AIM2: variants seen among roughly 807,000 people sequenced by gnomAD.
AIM2 encodes the protein interferon-inducible protein AIM2.
AIM2 carries 30 observed loss-of-function variants against 27.7 expected under a neutral mutation model. The observed-to-expected ratio is 1.08, with a 90% CI of 0.81 to 1.47. The LOEUF is 1.47. AIM2 is among the 40% of genes most tolerant of loss of function. AIM2 has a pLI of 0.00. For synonymous variants in AIM2, 141 were observed against 145.3 expected (o/e 0.97, Z 0.21); for missense variants, 358 against 411.3 (o/e 0.87, Z 1.12).
At chr1:159,098,791 T>TA (rs1487862802) in intron 1 of AIM2, among the ~76,000 whole-genome samples, 1 of 152,312 alleles carries the variant, frequency 6.6e-6, no homozygotes, top group East Asian at 1.9e-4. Context: ...GTGCTGGAGA[T>TA]ACAGGAAAGA....
intron 1 of AIM2, among the ~76,000 whole-genome samples, chr1:159,125,863 G>A (rs1218658292): frequency 6.6e-6 from 1 of 152,134 alleles, no homozygotes; most frequent in Non-Finnish European, 1.5e-5. Context: ...TTCAGGTAGA[G>A]TTACATCCAG....
intron 1 of AIM2, among the ~76,000 whole-genome samples, chr1:159,126,333 G>A (rs545704334): frequency 1.2e-4 from 19 of 152,212 alleles, no homozygotes; most frequent in African/African-American, 4.6e-4. Context: ...GGTATTATCA[G>A]TTATGAAAAT....
intron 1 of AIM2, among the ~76,000 whole-genome samples, chr1:159,107,190 A>G (rs995146448): frequency 1.3e-5 from 2 of 152,200 alleles, no homozygotes; most frequent in Non-Finnish European, 2.9e-5. Flanking sequence ...ATCTATTAAC[A>G]TCTTGTCTCT....
rs1656914742 is a variant in AIM2, at chr1:159,086,491, C to T, written c.-15-20162G>A. ...TAGGCTCCAGGTGAATCTGCACATA[C>T]CTCGCCCTCTACTTCTCCTCCCCCA... On this transcript the variant is annotated intron_variant, in intron 1 of 2. Coordinates refer to the AIM2 transcript ENST00000368129. 2.0e-5 allele frequency among the ~76,000 whole-genome samples: 3 copies of T among 152,222 alleles called. No homozygotes were observed. The South Asian group carries it at 6.2e-4, about 31-fold the overall frequency.
intron 1 of AIM2, among the ~76,000 whole-genome samples, chr1:159,084,627 G>T (rs1417831837): frequency 1.3e-5 from 2 of 152,054 alleles, no homozygotes; most frequent in African/African-American, 4.8e-5. Context: ...TTAAAAATTA[G>T]CAGGGCTTGG....
intron 1 of AIM2, among the ~76,000 whole-genome samples, chr1:159,094,108 A>T (rs1557902297): frequency 6.6e-6 from 1 of 152,194 alleles, no homozygotes; most frequent in Non-Finnish European, 1.5e-5. Flanking sequence ...AATGAAAAGC[A>T]GAGAGATAAT....
At chr1:159,073,627 C>A (rs1656470682) in intron 1 of AIM2, 108 bp from the exon 2 acceptor site, 6 of 1,161,348 alleles carry the variant, frequency 5.2e-6, no homozygotes. Context: ...AAAATATTTG[C>A]AGTAGTAAAA....
At chr1:159,142,946 A>G (rs1648140308), upstream of AIM2, among the ~76,000 whole-genome samples, 3 of 152,162 alleles carry the variant, frequency 2.0e-5, no homozygotes. Flanking sequence ...AGGTTACAAT[A>G]AAAGCAGGGA....
At chr1:159,095,058 G>C (rs931994352) in intron 1 of AIM2, among the ~76,000 whole-genome samples, 1 of 151,978 alleles carries the variant, frequency 6.6e-6, no homozygotes, top group Non-Finnish European at 1.5e-5. Flanking sequence ...AGCAGACAAA[G>C]AACAACACTC....
At chr1:159,113,446 G>C (rs774379542) in intron 1 of AIM2, among the ~76,000 whole-genome samples, 9 of 152,020 alleles carry the variant, frequency 5.9e-5, no homozygotes, top group Non-Finnish European at 1.3e-4. Context: ...TGGTCAACCC[G>C]TTCAACAATA....
intron 1 of AIM2, among the ~76,000 whole-genome samples, chr1:159,126,015 T>G (rs191943457): frequency 6.6e-6 from 1 of 152,202 alleles, no homozygotes; most frequent in African/African-American, 2.4e-5. Flanking sequence ...TGCAAGTCAG[T>G]CCACTCCAAT....
chr1:159,065,919 T>C lies in AIM2; in HGVS notation c.807A>G (p.Val269=). 1 of 1,602,744 alleles carries C rather than the reference T, an allele frequency of 6.2e-7. No homozygotes were observed. The highest frequency in any genetic ancestry group is 8.5e-7 in the Non-Finnish European group (1 of 1,174,354). The part of the protein sequence containing the change: ...PLGTIVNGLF[V]VQKVTEKKKN... ...AGATATGAAAACTTACCTTCTGGAC[T>C]ACAAACAAACCATTCACAATTGTTC... The change falls in exon 4 of 6, where the codon GTA becomes GTG. Residue 269 remains valine (V), a synonymous_variant. Transcript: ENST00000368130.
chr1:159,142,327 T>G (rs1165778282), upstream of AIM2, among the ~76,000 whole-genome samples: 1 of 152,178 alleles, frequency 6.6e-6, no homozygotes, highest in Non-Finnish European at 1.5e-5. Context: ...TTCACTAGAA[T>G]TAAGCATGGG....
At chr1:159,146,498 G>A (rs769986177) in intron 1 of AIM2, among the ~76,000 whole-genome samples, 7 of 151,978 alleles carry the variant, frequency 4.6e-5, no homozygotes, top group Non-Finnish European at 8.8e-5. Flanking sequence ...GCTTTAAAAT[G>A]TTCTTCTCAC....
At chr1:159,142,956 A>G (rs1648140437), upstream of AIM2, among the ~76,000 whole-genome samples, 1 of 152,188 alleles carries the variant, frequency 6.6e-6, no homozygotes, top group Non-Finnish European at 1.5e-5. Flanking sequence ...AAAAGCAGGG[A>G]GCCAACTCAG....
chr1:159,089,816 C>T (rs1261552322), intron 1 of AIM2, among the ~76,000 whole-genome samples: 1 of 152,226 alleles, frequency 6.6e-6, no homozygotes. Flanking sequence ...TCTTTCATCT[C>T]TGCCCTACCT....
At chr1:159,072,577 A>C (rs1570945392) in intron 2 of AIM2, among the ~76,000 whole-genome samples, 2 of 152,250 alleles carry the variant, frequency 1.3e-5, no homozygotes, top group East Asian at 3.8e-4. Context: ...AACTAAATGT[A>C]GATAATTCAG....
chr1:159,075,234 A>G (rs1435956673), intron 1 of AIM2, among the ~76,000 whole-genome samples: 3 of 152,194 alleles, frequency 2.0e-5, no homozygotes, highest in Admixed American at 1.3e-4. Context: ...AAATGACAAT[A>G]CACAGGGAAT....
chr1:159,096,680 C>T (rs1232853769), intron 1 of AIM2, among the ~76,000 whole-genome samples: 1 of 152,058 alleles, frequency 6.6e-6, no homozygotes, highest in Non-Finnish European at 1.5e-5. Flanking sequence ...AAGGCACTCT[C>T]AAGGCAGACA....
Sources: allele counts gnomAD v4.1 joint callset (sites outside exome capture counted in the v4.1 genomes callset), GRCh38; gene constraint gnomAD v4.1.1; transcripts MANE v1.5; gene names NCBI Gene and HGNC (gene_info 2026-07-23, HGNC 2026-07-21).